The following CTNNA3 variants were observed in gnomAD, a reference collection of about 807,000 sequenced individuals.
CTNNA3 encodes catenin alpha 3.
CTNNA3 carries 76 observed loss-of-function variants against 95.7 expected under a neutral mutation model. The ratio of observed to expected loss-of-function variants is 0.79; its 90% CI spans 0.66 to 0.96. The LOEUF (loss-of-function observed/expected upper bound fraction) is 0.96, where lower values mean the gene tolerates loss of function less well. Ranked by LOEUF, CTNNA3 falls within the 40% of genes least tolerant of loss-of-function variation. CTNNA3 has a pLI of 0.00. For synonymous variants in CTNNA3, 431 were observed against 374.4 expected (o/e 1.15, Z -1.74); for missense variants, 1,191 against 1,089.8 (o/e 1.09, Z -1.31).
intron 7 of CTNNA3, among the ~76,000 whole-genome samples, chr10:67,158,214 C>T (rs765482331): frequency 1.1e-4 from 17 of 151,944 alleles, no homozygotes; most frequent in Middle Eastern, 3.4e-3. Context: ...CTATGCTTCC[C>T]GCGAAAAATG....
chr10:67,121,191 T>C (rs1859447171), intron 7 of CTNNA3, among the ~76,000 whole-genome samples: 2 of 152,096 alleles, frequency 1.3e-5, no homozygotes, highest in Non-Finnish European at 2.9e-5. Context: ...ATAAAAACCA[T>C]CTTCCGTATT....
chr10:66,552,119 G>A (rs181432658), intron 10 of CTNNA3, among the ~76,000 whole-genome samples: 3 of 151,926 alleles, frequency 2.0e-5, no homozygotes, highest in Admixed American at 1.3e-4. Flanking sequence ...TAGCCACGAC[G>A]GTCTCCATCT....
intron 17 of CTNNA3, among the ~76,000 whole-genome samples, chr10:65,954,049 T>G (rs1486816023): frequency 3.9e-5 from 6 of 152,214 alleles, no homozygotes; most frequent in Non-Finnish European, 7.3e-5. Flanking sequence ...CAGCACCTGT[T>G]GTTTCCTGAC....
chr10:66,440,982 G>A (rs2093371398), intron 11 of CTNNA3, among the ~76,000 whole-genome samples: 1 of 59,266 alleles, frequency 1.7e-5, no homozygotes, highest in Non-Finnish European at 3.2e-5. Context: ...ATAACTGTAA[G>A]TGAGTTCCTA....
At chr10:66,366,753 C>T (rs1041096543) in intron 12 of CTNNA3, among the ~76,000 whole-genome samples, 1 of 152,056 alleles carries the variant, frequency 6.6e-6, no homozygotes, top group Non-Finnish European at 1.5e-5. Flanking sequence ...TAAAAGCTTA[C>T]TGAGCACCTT....
intron 2 of CTNNA3, among the ~76,000 whole-genome samples, chr10:67,617,176 A>C (rs1843682744): frequency 6.6e-6 from 1 of 152,230 alleles, no homozygotes; most frequent in Non-Finnish European, 1.5e-5. Context: ...AACTCACGTC[A>C]TGAAAAGTTG....
intron 15 of CTNNA3, among the ~76,000 whole-genome samples, chr10:66,013,210 C>G (rs115665479): frequency 0.012 from 1,782 of 152,124 alleles, 28 homozygotes; most frequent in African/African-American, 0.041. Context: ...CTCAATGTTT[C>G]TTTTTATATA....
chr10:67,417,490 TG>T (rs1415915260), intron 5 of CTNNA3, among the ~76,000 whole-genome samples: 1 of 151,668 alleles, frequency 6.6e-6, no homozygotes, highest in African/African-American at 2.4e-5. Flanking sequence ...GTGCCTGGGG[TG>T]GGGGAAGGTA....
At chr10:66,500,919 A>AAT (rs1840258101) in intron 11 of CTNNA3, among the ~76,000 whole-genome samples, 1 of 152,142 alleles carries the variant, frequency 6.6e-6, no homozygotes, top group African/African-American at 2.4e-5. Flanking sequence ...ATGAAGTGTC[A>AAT]AATATATCAT....
At chr10:67,206,275 T>A (rs1863897929) in intron 6 of CTNNA3, among the ~76,000 whole-genome samples, 1 of 152,192 alleles carries the variant, frequency 6.6e-6, no homozygotes, top group Non-Finnish European at 1.5e-5. Context: ...TCTCCTAAGC[T>A]ATATAAAACA....
chr10:67,236,213 T>TA (rs1184773606), intron 5 of CTNNA3, among the ~76,000 whole-genome samples: 2 of 150,014 alleles, frequency 1.3e-5, no homozygotes, highest in Non-Finnish European at 2.9e-5. Context: ...CATGCACAGG[T>TA]ATGTTTATTG....
At chr10:67,348,208 A>G in intron 5 of CTNNA3, among the ~76,000 whole-genome samples, 1 of 152,224 alleles carries the variant, frequency 6.6e-6, no homozygotes, top group Admixed American at 6.5e-5. Context: ...AAGAAAACAT[A>G]GTGGAAAATC....
At chr10:67,105,852 C>T (rs374780000) in intron 7 of CTNNA3, among the ~76,000 whole-genome samples, 1 of 152,210 alleles carries the variant, frequency 6.6e-6, no homozygotes, top group African/African-American at 2.4e-5. Flanking sequence ...CTGAACATCT[C>T]TGAACTTGCA....
At chr10:66,309,102 T>G (rs2091969814) in intron 12 of CTNNA3, among the ~76,000 whole-genome samples, 1 of 152,182 alleles carries the variant, frequency 6.6e-6, no homozygotes, top group South Asian at 2.1e-4. Flanking sequence ...CACGTCTACT[T>G]AAGATGAACA....
intron 9 of CTNNA3, among the ~76,000 whole-genome samples, chr10:66,661,346 C>A (rs1020325957): frequency 1.8e-4 from 28 of 151,990 alleles, no homozygotes; most frequent in African/African-American, 6.8e-4. Flanking sequence ...CCTGATAAAC[C>A]CATCGGTTCT....
At chr10:67,566,416 A>G (rs10997720) in intron 3 of CTNNA3, among the ~76,000 whole-genome samples, 16,404 of 151,916 alleles carry the variant, frequency 0.11, 1,357 homozygotes, top group East Asian at 0.3. Flanking sequence ...AAACACATGA[A>G]AAAATGCTCA....
intron 11 of CTNNA3, among the ~76,000 whole-genome samples, chr10:66,454,730 C>T (rs2093484781): frequency 6.7e-6 from 1 of 148,846 alleles, no homozygotes; most frequent in South Asian, 2.1e-4. Flanking sequence ...TTTTATGAGA[C>T]CAGCATTACA....
At chr10:66,310,008 C>T (rs1470923126) in intron 12 of CTNNA3, among the ~76,000 whole-genome samples, 1 of 150,222 alleles carries the variant, frequency 6.7e-6, no homozygotes, top group Admixed American at 6.6e-5. Context: ...CCTGTAATCC[C>T]AGCTACTTGG....
rs189560114 is a variant in CTNNA3, at chr10:67,121,782, A to T, written c.1047+58535T>A. Reference sequence around the variant, plus strand: ...AAACAATAGAGAGCAGTGTAAACTGAGGTAAGCCCTTGTCCCATCTAAAAG... The same window carrying T: ...AAACAATAGAGAGCAGTGTAAACTGTGGTAAGCCCTTGTCCCATCTAAAAG... On this transcript the variant is annotated intron_variant, in intron 7 of 17. Transcript: ENST00000433211. 3.9e-5 allele frequency among the ~76,000 whole-genome samples: 6 copies of T among 152,026 alleles called. No homozygotes were observed. The East Asian group carries it at 1.2e-3, about 29-fold the overall frequency.
Sources: allele counts gnomAD v4.1 joint callset (sites outside exome capture counted in the v4.1 genomes callset), GRCh38; gene constraint gnomAD v4.1.1; transcripts MANE v1.5; gene names NCBI Gene and HGNC (gene_info 2026-07-23, HGNC 2026-07-21).